The following PRH1 variants were observed in gnomAD, a reference collection of about 807,000 sequenced individuals.
The protein encoded by PRH1 is proline rich protein HaeIII subfamily 1.
Under a neutral mutation model 7.9 loss-of-function variants are expected in PRH1, and 7 were observed. The observed-to-expected ratio is 0.89, with a 90% confidence interval of 0.50 to 1.67. The LOEUF (loss-of-function observed/expected upper bound fraction) is 1.67. PRH1 is among the 40% of genes most tolerant of loss of function. PRH1 has a pLI of 0.00. For missense variants in PRH1, 109 were observed against 223.6 expected (o/e 0.49, Z 3.27); for synonymous variants, 45 against 80.8 (o/e 0.56, Z 2.38).
intron 1 of PRH1, among the ~76,000 whole-genome samples, chr12:11,106,534 T>A (rs1353478576): frequency 6.6e-6 from 1 of 152,080 alleles, no homozygotes; most frequent in East Asian, 1.9e-4. Context: ...ATTGTGTAAC[T>A]ATTGTGGGCT....
chr12:11,153,918 A>G (rs1047785613), intron 1 of PRH1, among the ~76,000 whole-genome samples: 16 of 152,164 alleles, frequency 1.1e-4, no homozygotes, highest in African/African-American at 3.6e-4. Context: ...AACAGATATT[A>G]CCCCCAAAAA....
intron 1 of PRH1, among the ~76,000 whole-genome samples, chr12:11,012,236 A>G (rs896663767): frequency 6.6e-6 from 1 of 152,010 alleles, no homozygotes; most frequent in South Asian, 2.1e-4. Flanking sequence ...GGTCTTCAAT[A>G]TTGGATATTA....
At chr12:11,100,143 A>G (rs576221785) in intron 1 of PRH1, among the ~76,000 whole-genome samples, 8 of 152,336 alleles carry the variant, frequency 5.3e-5, no homozygotes, top group Admixed American at 6.5e-5. Flanking sequence ...TTAATATTAA[A>G]ATTATAATGC....
chr12:11,099,786 A>C (rs1945180346), intron 1 of PRH1, among the ~76,000 whole-genome samples: 1 of 150,160 alleles, frequency 6.7e-6, no homozygotes, highest in South Asian at 2.1e-4. Flanking sequence ...TCTCTTGCAG[A>C]AAAACATAAC....
At chr12:10,901,218 C>A (rs1335001627) in intron 2 of PRH1, among the ~76,000 whole-genome samples, 1 of 152,168 alleles carries the variant, frequency 6.6e-6, no homozygotes, top group African/African-American at 2.4e-5. Context: ...AGTTAAGAAG[C>A]CTGAGTCACC....
At chr12:11,125,973 C>T (rs79251524) in intron 1 of PRH1, among the ~76,000 whole-genome samples, 7,329 of 113,350 alleles carry the variant, frequency 0.065, no homozygotes, top group Middle Eastern at 0.08. Context: ...ATTCTAATTA[C>T]CATGGTGTCT....
intron 1 of PRH1, among the ~76,000 whole-genome samples, chr12:11,017,597 C>A (rs1477174473): frequency 1.3e-5 from 2 of 152,066 alleles, no homozygotes; most frequent in African/African-American, 2.4e-5. Flanking sequence ...CAATTCAAAT[C>A]CTTCAGCCTC....
chr12:10,899,044 T>C (rs1949688104), intron 2 of PRH1, among the ~76,000 whole-genome samples: 1 of 152,210 alleles, frequency 6.6e-6, no homozygotes, highest in Admixed American at 6.5e-5. Flanking sequence ...TGTACTTGCG[T>C]GGTGCCTACT....
At chr12:10,911,655 T>C (rs1949901595) in intron 2 of PRH1, among the ~76,000 whole-genome samples, 1 of 152,252 alleles carries the variant, frequency 6.6e-6, no homozygotes, top group African/African-American at 2.4e-5. Flanking sequence ...ATTTCTCATA[T>C]TGTGCCTATG....
intron 2 of PRH1, among the ~76,000 whole-genome samples, chr12:10,898,055 C>G (rs984735595): frequency 6.6e-6 from 1 of 152,082 alleles, no homozygotes; most frequent in Non-Finnish European, 1.5e-5. Context: ...CTCTTCTATC[C>G]CAAATAAAGG....
chr12:11,109,927 G>C (rs1945537922), intron 1 of PRH1, among the ~76,000 whole-genome samples: 1 of 152,036 alleles, frequency 6.6e-6, no homozygotes, highest in Non-Finnish European at 1.5e-5. Flanking sequence ...CTTGAAAAAA[G>C]GTTAGAGCAA....
At chr12:11,167,531 A>G (rs4763636) in intron 1 of PRH1, among the ~76,000 whole-genome samples, 112,533 of 150,352 alleles carry the variant, frequency 0.75, 44,428 homozygotes, top group East Asian at 0.96. Flanking sequence ...TGCAAGCTCC[A>G]CCTCCTGGGT....
At chr12:11,106,710 A>G (rs1945430357) in intron 1 of PRH1, among the ~76,000 whole-genome samples, 1 of 151,996 alleles carries the variant, frequency 6.6e-6, no homozygotes, top group Non-Finnish European at 1.5e-5. Flanking sequence ...TTTTTACAGT[A>G]TAATTGTTTC....
intron 2 of PRH1, among the ~76,000 whole-genome samples, chr12:10,952,356 C>CTAA (rs1261018152): frequency 1.3e-5 from 2 of 152,176 alleles, no homozygotes; most frequent in East Asian, 3.8e-4. Flanking sequence ...CGAGTCTTTA[C>CTAA]GTGTGAAGAG....
chr12:11,109,911 A>C (rs1055509167), intron 1 of PRH1, among the ~76,000 whole-genome samples: 6 of 152,212 alleles, frequency 3.9e-5, no homozygotes, highest in African/African-American at 1.4e-4. Context: ...CAAGGGAGCC[A>C]AGAACCTTGA....
chr12:11,113,367 T>C (rs1358149596), intron 1 of PRH1, among the ~76,000 whole-genome samples: 2 of 152,002 alleles, frequency 1.3e-5, no homozygotes, highest in African/African-American at 4.8e-5. Flanking sequence ...AAAACAGATA[T>C]ATAGACCAAT....
rs887788211 is a variant in PRH1 at position 11,097,292 on chromosome 12, T to C, written n.124-50104A>G. ...CACCATTTAATCCTATCCATGAATA[T>C]AGTTTTGGTTATAGAACTACAACCT... On this transcript the variant is annotated intron_variant and non_coding_transcript_variant, in intron 1 of 4. Transcript: ENST00000541977. 3.3e-5 allele frequency: 6 copies of C among 180,334 alleles called. 2 individuals carry two copies. The highest frequency in any genetic ancestry group is 5.6e-5 in the African/African-American group (2 of 35,744). The allele number at this position is 180,334 out of a possible 1,614,324, so 11.2% of individuals were successfully genotyped here.
chr12:11,076,515 G>A (rs539766088), intron 1 of PRH1, among the ~76,000 whole-genome samples: 1 of 117,276 alleles, frequency 8.5e-6, no homozygotes, highest in South Asian at 2.3e-4. Flanking sequence ...GAGCTCAGAG[G>A]TGGCTAAGAA....
At chr12:11,056,529 C>T (rs998631539) in intron 1 of PRH1, among the ~76,000 whole-genome samples, 2 of 152,090 alleles carry the variant, frequency 1.3e-5, no homozygotes, top group Non-Finnish European at 2.9e-5. Context: ...AGTATTATCA[C>T]CTATAAAAAG....
Sources: allele counts gnomAD v4.1 joint callset (sites outside exome capture counted in the v4.1 genomes callset), GRCh38; gene constraint gnomAD v4.1.1; transcripts MANE v1.5; gene names NCBI Gene and HGNC (gene_info 2026-07-23, HGNC 2026-07-21).